PTCD3: variants seen among roughly 807,000 people sequenced by gnomAD.
The protein encoded by PTCD3 is pentatricopeptide repeat domain 3, also known as small ribosomal subunit protein mS39.
Under a neutral mutation model 101.9 loss-of-function variants are expected in PTCD3, and 89 were observed. The ratio of observed to expected loss-of-function variants is 0.87; its 90% CI spans 0.74 to 1.04. The LOEUF (loss-of-function observed/expected upper bound fraction) is 1.04. Among genes scored for constraint, PTCD3 ranks in the 50% least tolerant of loss-of-function variants. The pLI is 0.00. For missense variants in PTCD3, 870 were observed against 828.2 expected, an observed-to-expected ratio of 1.05 and a Z score of -0.62; for synonymous variants, 296 against 278.5, an observed-to-expected ratio of 1.06 and a Z score of -0.63.
intron 7 of PTCD3, chr2:86,119,741 G>C (rs2104452948): frequency 1.3e-5 from 2 of 152,304 alleles, no homozygotes; most frequent in South Asian, 4.1e-4. Flanking sequence ...ACTCAACTAG[G>C]ATCAGGGGCT....
chr2:86,112,640 C>T (rs1674109660), intron 4 of PTCD3, among the ~76,000 whole-genome samples: 1 of 144,176 alleles, frequency 6.9e-6, no homozygotes, highest in African/African-American at 2.6e-5. Context: ...CAAGGTCCTG[C>T]CACTGCATTC....
At chr2:86,132,622 GTTTTTT>G (rs11333311) in intron 17 of PTCD3, 198 bp downstream of exon 17, 97 of 217,940 alleles carry the variant, frequency 4.5e-4, no homozygotes, top group Non-Finnish European at 5.9e-4. Context: ...TCCTTTAAGG[GTTTTTT>G]TTTTTTTTTT....
chr2:86,134,507 A>C (rs1321918125), intron 20 of PTCD3, 130 bp downstream of exon 20: 3 of 737,678 alleles, frequency 4.1e-6, no homozygotes, highest in Non-Finnish European at 6.8e-6. Flanking sequence ...TGATACATCT[A>C]AACATATCTT....
At chr2:86,110,857 G>A (rs1674065072) in intron 3 of PTCD3, 1 of 700,064 alleles carries the variant, frequency 1.4e-6, no homozygotes. Context: ...AGGGCGGGAT[G>A]GAAATCACTA....
Position 86,139,225 on chromosome 2 carries a change from G to C in PTCD3, c.*1666G>C, listed in dbSNP as rs944917372. On this transcript the variant is annotated 3_prime_UTR_variant, in exon 24 of 24. Transcript: ENST00000254630. ...TGAGTAAAATGTTCTCTTCGGCCGGGTGTGGTGACTCACACCTGTAACCTC... is the reference window on the plus strand; with the variant it reads ...TGAGTAAAATGTTCTCTTCGGCCGGCTGTGGTGACTCACACCTGTAACCTC... The C allele has an allele frequency of 2.6e-5, 4 of 152,200 alleles. No homozygotes were observed. The highest frequency in any genetic ancestry group is 4.4e-5 in the Non-Finnish European group (3 of 68,048). 9.4% of individuals were successfully genotyped at this position (152,200 alleles called of 1,614,324 possible). A position where few individuals can be genotyped will look rare whatever the true frequency, so the allele number is the denominator to read the frequency against.
intron 7 of PTCD3, among the ~76,000 whole-genome samples, chr2:86,121,023 G>GA (rs1415368046): frequency 6.6e-6 from 1 of 152,148 alleles, no homozygotes; most frequent in Non-Finnish European, 1.5e-5. Flanking sequence ...CAATTTTTAA[G>GA]AGACTACTAT....
chr2:86,131,821 C>T (rs527542651), intron 16 of PTCD3, among the ~76,000 whole-genome samples: 2 of 152,268 alleles, frequency 1.3e-5, no homozygotes, highest in South Asian at 2.1e-4. Flanking sequence ...TTACAAAAGC[C>T]GCTACTTTCA....
chr2:86,122,064 A>G (rs541342798), intron 8 of PTCD3, among the ~76,000 whole-genome samples: 20 of 152,346 alleles, frequency 1.3e-4, no homozygotes, highest in Non-Finnish European at 2.4e-4. Flanking sequence ...ACTAGGTCTC[A>G]AGAAATCCTT....
At chr2:86,116,442 C>G in intron 4 of PTCD3, 88 bp from the exon 5 acceptor site, 3 of 1,083,950 alleles carry the variant, frequency 2.8e-6, no homozygotes, top group Non-Finnish European at 4.2e-6. Context: ...GAGGCTGAGG[C>G]AGGAGAATCC....
At position 86,126,763 on chromosome 2, in the gene PTCD3, C is replaced by T. The variant is rs116882766; in HGVS notation, c.952-398C>T. On this transcript the variant is annotated intron_variant, in intron 12 of 23. Coordinates refer to ENST00000254630, the MANE Select transcript of PTCD3 (RefSeq NM_017952.6). Reference sequence around the variant, plus strand: ...GAGGCAGGAGAATCACCTCAGCCCACGAGGCAGAGGTTGCAGTGAGCCAAG... The same window carrying T: ...GAGGCAGGAGAATCACCTCAGCCCATGAGGCAGAGGTTGCAGTGAGCCAAG... 1.5e-3 allele frequency among the ~76,000 whole-genome samples: 227 copies of T among 150,424 alleles called. 6 individuals are homozygous for T. The East Asian group carries it at 0.043, about 29-fold the overall frequency.
Position 86,132,354 on chromosome 2 carries a change from G to A in PTCD3, c.1303G>A (p.Val435Ile). The change falls in exon 17 of 24, where the codon GTA (valine) becomes ATA (isoleucine). Residue 435 changes from valine (V) to isoleucine (I), a missense_variant. Val to Ile is a conservative substitution (Grantham distance 29). Coordinates refer to ENST00000254630, the MANE Select transcript of PTCD3 (RefSeq NM_017952.6). ...SLRDLELAYQ[V>I]HGLLKTGDNW... ...CAGAGATCTAGAACTTGCCTACCAA[G>A]TACATGGCCTTTTAAAAACCGGAGA... 1 of 1,609,146 alleles carries A rather than the reference G, an allele frequency of 6.2e-7. No individual in the cohort carries two copies. The highest frequency in any genetic ancestry group is 1.1e-5 in the South Asian group (1 of 90,904).
At chr2:86,107,352 G>C (rs973879032) in intron 1 of PTCD3, among the ~76,000 whole-genome samples, 2 of 152,216 alleles carry the variant, frequency 1.3e-5, no homozygotes, top group Admixed American at 6.5e-5. Context: ...AAACTTGAAA[G>C]AGTTGATCTC....
chr2:86,132,452 G>T, intron 17 of PTCD3, 28 bp downstream of exon 17: 1 of 1,493,662 alleles, frequency 6.7e-7, no homozygotes, highest in Non-Finnish European at 9.3e-7. Flanking sequence ...ATATCCTTTT[G>T]CATGAGTTAC....
At chr2:86,109,591 G>A (rs923144895) in intron 3 of PTCD3, among the ~76,000 whole-genome samples, 2 of 152,188 alleles carry the variant, frequency 1.3e-5, no homozygotes, top group African/African-American at 4.8e-5. Context: ...GAAGAAATAC[G>A]TTTGTTTATG....
At position 86,131,065 on chromosome 2, in the gene PTCD3, C is replaced by T; in HGVS notation, c.1238-13C>T. 6.2e-7 allele frequency: 1 copy of T among 1,601,904 alleles called. No homozygotes were observed. The highest frequency in any genetic ancestry group is 8.5e-7 in the Non-Finnish European group (1 of 1,174,816). The stretch of plus-strand genomic sequence containing the variant: ...CCATTGTAACCAAAGCTCTTGTGAA[C>T]TTTGATTTTCAGATAAGTTTTTTCA... On this transcript the variant is annotated splice_polypyrimidine_tract_variant and intron_variant, in intron 15 of 23. Coordinates refer to ENST00000254630, the MANE Select transcript of PTCD3 (RefSeq NM_017952.6).
In PTCD3 at chr2:86,117,173, G is replaced by A; in HGVS notation, c.414+14G>A. On this transcript the variant is annotated intron_variant, in intron 6 of 23. Transcript: ENST00000254630. The stretch of plus-strand genomic sequence containing the variant: ...CCTCATATACCGGTAAGGAGAGGTA[G>A]TTACATTATTTACATAATACTATTT... The A allele has an allele frequency of 1.1e-6, 1 of 921,462 alleles. No individual in the cohort carries two copies. The highest frequency in any genetic ancestry group is 1.8e-6 in the Non-Finnish European group (1 of 559,942). 57.1% of individuals were successfully genotyped at this position (921,462 alleles called of 1,614,324 possible).
At chr2:86,108,191 T>C (rs1674000947) in intron 1 of PTCD3, among the ~76,000 whole-genome samples, 159 bp from the exon 2 acceptor site, 1 of 152,194 alleles carries the variant, frequency 6.6e-6, no homozygotes, top group Non-Finnish European at 1.5e-5. Flanking sequence ...TTAATGATAT[T>C]GAACATGTGT....
chr2:86,111,039 A>G (rs770895622), intron 3 of PTCD3, 74 bp from the exon 4 acceptor site: 69 of 1,327,904 alleles, frequency 5.2e-5, no homozygotes, highest in Admixed American at 1.3e-4. Flanking sequence ...CAGTACACTG[A>G]GAGTAGAATC....
Position 86,106,322 on chromosome 2 carries a change from G to T in PTCD3, c.75G>T (p.Ala25=). 1 of 1,614,042 alleles carries T rather than the reference G, an allele frequency of 6.2e-7. No individual in the cohort carries two copies. Among genetic ancestry groups the T allele is most frequent in the South Asian group, 1.1e-5 (1 of 91,034 alleles). The part of the protein sequence containing the change: ...RLGQPLTGRR[A]GLCEQARSCR... The stretch of plus-strand genomic sequence containing the variant: ...GCCAGCCGCTGACGGGTCGGCGGGC[G>T]GGTTTGTGTGAACAGGCACGCAGCT... The change falls in exon 1 of 24, where the codon GCG becomes GCT. Residue 25 remains alanine, a synonymous_variant. Coordinates refer to ENST00000254630, the MANE Select transcript of PTCD3 (RefSeq NM_017952.6).
Sources: gnomAD v4.1 joint callset for allele counts (sites outside exome capture counted in the v4.1 genomes callset) on GRCh38, gnomAD v4.1.1 for gene constraint, MANE v1.5 for transcripts, NCBI Gene and HGNC (gene_info 2026-07-23, HGNC 2026-07-21) for gene names.